Variants in SH3KBP1 observed in about 807,000 individuals in gnomAD.
The protein encoded by SH3KBP1 is SH3 domain-containing kinase-binding protein 1.
Under a neutral mutation model 50.1 loss-of-function variants are expected in SH3KBP1, and 8 were observed. The observed-to-expected ratio is 0.16, with a 90% CI of 0.09 to 0.29. The LOEUF (loss-of-function observed/expected upper bound fraction) is 0.29. Ranked by LOEUF, SH3KBP1 falls within the 10% of genes least tolerant of loss-of-function variation. The probability of loss-of-function intolerance (pLI) is 1.00; values close to 1 mark genes in which losing one functional copy is unlikely to be tolerated. For missense variants in SH3KBP1, 377 were observed against 535.2 expected (o/e 0.70, Z 2.92); for synonymous variants, 227 against 218.6 (o/e 1.04, Z -0.34).
intron 8 of SH3KBP1, among the ~76,000 whole-genome samples, chrX:19,622,855 C>G (rs1313095746): frequency 2.7e-5 from 3 of 111,023 alleles, no homozygotes; most frequent in African/African-American, 6.6e-5. Context: ...CCAGCCTGGC[C>G]AACATGGCGA....
chrX:19,590,182 A>T (rs2066701260), intron 11 of SH3KBP1, among the ~76,000 whole-genome samples: 1 of 111,877 alleles, frequency 8.9e-6, no homozygotes, highest in Non-Finnish European at 1.9e-5. Context: ...AATATGCTCC[A>T]ATCAGGAATG....
At chrX:19,567,539 A>ATATAT (rs2065881634) in intron 13 of SH3KBP1, among the ~76,000 whole-genome samples, 3 of 67,701 alleles carry the variant, frequency 4.4e-5, no homozygotes, top group African/African-American at 2.2e-4. Context: ...AAAAAAAAAA[A>ATATAT]AAAAAAAAAA....
chrX:19,866,984 GA>G (rs1271685808), intron 1 of SH3KBP1, among the ~76,000 whole-genome samples: 11 of 111,326 alleles, frequency 9.9e-5, no homozygotes, highest in African/African-American at 3.6e-4. Context: ...CACTCGAGCA[GA>G]AGTCAATATG....
chrX:19,811,997 G>A (rs1390490118), intron 2 of SH3KBP1, among the ~76,000 whole-genome samples: 4 of 111,806 alleles, frequency 3.6e-5, no homozygotes, highest in African/African-American at 1.3e-4. Flanking sequence ...AGTTCCTCCC[G>A]CTCTGGGTCT....
intron 6 of SH3KBP1, among the ~76,000 whole-genome samples, chrX:19,678,203 A>AT (rs1267812073): frequency 3.6e-5 from 4 of 112,036 alleles, no homozygotes; most frequent in Non-Finnish European, 7.5e-5. Flanking sequence ...ATCACAAATC[A>AT]TAAGTGTTCA....
At chrX:19,576,443 AAAAAG>A (rs1215022312) in intron 12 of SH3KBP1, among the ~76,000 whole-genome samples, 5 of 111,656 alleles carry the variant, frequency 4.5e-5, no homozygotes, top group East Asian at 2.8e-4. Flanking sequence ...CACTTAAAAA[AAAAAG>A]AAAAGAAAAG....
intron 1 of SH3KBP1, among the ~76,000 whole-genome samples, chrX:19,872,252 C>CAAAAAAAAAAAAAAAAAA (rs67033348): frequency 7.9e-5 from 3 of 37,967 alleles, no homozygotes; most frequent in African/African-American, 9.9e-5. Context: ...AACTTCATCT[C>CAAAAAAAAAAAAAAAAAA]AAAAAAAAAA....
chrX:19,573,681 A>G (rs996177551), intron 12 of SH3KBP1, among the ~76,000 whole-genome samples: 1 of 111,556 alleles, frequency 9.0e-6, no homozygotes, highest in East Asian at 2.8e-4. Flanking sequence ...ACCAAGGTAA[A>G]AGCTGAGATT....
At chrX:19,781,499 T>C (rs1028070557) in intron 2 of SH3KBP1, among the ~76,000 whole-genome samples, 1 of 108,309 alleles carries the variant, frequency 9.2e-6, no homozygotes, top group Non-Finnish European at 1.9e-5. Context: ...GCACCTGTGG[T>C]CCCAGCTGCT....
chrX:19,802,782 G>C (rs1293822297), intron 2 of SH3KBP1, among the ~76,000 whole-genome samples: 1 of 111,117 alleles, frequency 9.0e-6, no homozygotes, highest in Non-Finnish European at 1.9e-5. Flanking sequence ...GCACCACAAC[G>C]GGTTGGAAAA....
chrX:19,713,439 T>C lies in SH3KBP1; in HGVS notation c.287-6455A>G, dbSNP rs1603084974. On this transcript the variant is annotated intron_variant, in intron 3 of 17. Coordinates refer to ENST00000397821, the MANE Select transcript of SH3KBP1 (RefSeq NM_031892.3). ...TACCACACTGGCTAATTTTTGTATT[T>C]TTTGTAAAGATGGGGTCTCGCTATG... 3.7e-5 allele frequency among the ~76,000 whole-genome samples: 4 copies of C among 108,500 alleles called. No homozygotes were observed. The South Asian group carries it at 1.6e-3, about 45-fold the overall frequency. 94.2% of individuals were successfully genotyped at this position (108,500 alleles called of 115,157 possible).
chrX:19,813,160 A>AG (rs567435063), intron 2 of SH3KBP1, among the ~76,000 whole-genome samples: 2 of 104,532 alleles, frequency 1.9e-5, no homozygotes, highest in Non-Finnish European at 3.9e-5. Flanking sequence ...AAACAAAAAA[A>AG]AAGAAGAAGA....
intron 2 of SH3KBP1, among the ~76,000 whole-genome samples, chrX:19,782,957 A>G (rs2066226985): frequency 9.0e-6 from 1 of 111,648 alleles, no homozygotes; most frequent in Non-Finnish European, 1.9e-5. Context: ...AAAAAAAACA[A>G]CAACAAAAAT....
At chrX:19,875,376 T>G (rs1177947474) in intron 1 of SH3KBP1, among the ~76,000 whole-genome samples, 1 of 112,225 alleles carries the variant, frequency 8.9e-6, no homozygotes, top group Non-Finnish European at 1.9e-5. Context: ...GAAGGGACTC[T>G]GTGAGGATGG....
chrX:19,694,287 G>A (rs2063361323), intron 5 of SH3KBP1, among the ~76,000 whole-genome samples: 1 of 111,986 alleles, frequency 8.9e-6, no homozygotes, highest in Admixed American at 9.4e-5. Flanking sequence ...GAGTACAGGA[G>A]AAGACACCAG....
chrX:19,642,843 C>G (rs759574069), intron 7 of SH3KBP1, among the ~76,000 whole-genome samples: 1 of 110,521 alleles, frequency 9.0e-6, no homozygotes, highest in South Asian at 3.8e-4. Context: ...TGTTGTTTAA[C>G]TAAATCCTGA....
chrX:19,675,001 C>T (rs2062892060), intron 6 of SH3KBP1, among the ~76,000 whole-genome samples: 1 of 109,971 alleles, frequency 9.1e-6, no homozygotes, highest in African/African-American at 3.3e-5. Context: ...ATTGCTTGAA[C>T]CCGGGAGGCA....
chrX:19,618,266 C>G (rs2067679179), intron 8 of SH3KBP1, among the ~76,000 whole-genome samples: 1 of 109,018 alleles, frequency 9.2e-6, no homozygotes, highest in Non-Finnish European at 1.9e-5. Flanking sequence ...CACATGTAAT[C>G]CCAGCTACTC....
chrX:19,739,197 A>G (rs748206546), intron 3 of SH3KBP1, among the ~76,000 whole-genome samples: 7 of 110,767 alleles, frequency 6.3e-5, no homozygotes, highest in Admixed American at 1.9e-4. Context: ...CTGAAAAATA[A>G]TGAGAATAAA....
Sources: gnomAD v4.1 joint callset for allele counts (sites outside exome capture counted in the v4.1 genomes callset) on GRCh38, gnomAD v4.1.1 for gene constraint, MANE v1.5 for transcripts, NCBI Gene and HGNC (gene_info 2026-07-23, HGNC 2026-07-21) for gene names.